The following KLHL4 variants were observed in gnomAD, a reference collection of about 807,000 sequenced individuals.
KLHL4 encodes the protein kelch like family member 4.
A neutral mutation model predicts 45.8 loss-of-function variants in KLHL4; 17 were observed. The observed-to-expected ratio is 0.37, with a 90% CI of 0.25 to 0.56. The LOEUF is 0.56. KLHL4 is among the 20% of genes least tolerant of loss of function. The probability of loss-of-function intolerance (pLI) is 0.79; values close to 1 mark genes in which losing one functional copy is unlikely to be tolerated. For missense variants in KLHL4, 544 were observed against 544.9 expected (o/e 1.00, Z 0.02); for synonymous variants, 224 against 189.9 (o/e 1.18, Z -1.47).
chrX:87,659,113 C>CTTTT (rs1178733729), intron 9 of KLHL4, among the ~76,000 whole-genome samples: 524 of 45,001 alleles, frequency 0.012, no homozygotes, highest in East Asian at 0.028. Flanking sequence ...TCTTTTCTTT[C>CTTTT]TTTTTTTTTT....
intron 1 of KLHL4, among the ~76,000 whole-genome samples, chrX:87,525,106 T>C (rs1156939652): frequency 8.9e-6 from 1 of 112,043 alleles, no homozygotes; most frequent in Non-Finnish European, 1.9e-5. Context: ...GCTAAAGTTC[T>C]GATAACATCT....
chrX:87,578,586 A>G (rs1448426041), intron 1 of KLHL4, among the ~76,000 whole-genome samples: 1 of 112,564 alleles, frequency 8.9e-6, no homozygotes, highest in Non-Finnish European at 1.9e-5. Flanking sequence ...ACTGAAAACA[A>G]CTGCATTGAA....
intron 1 of KLHL4, among the ~76,000 whole-genome samples, chrX:87,553,570 T>A (rs1249767934): frequency 9.0e-6 from 1 of 110,572 alleles, no homozygotes; most frequent in Non-Finnish European, 1.9e-5. Context: ...TTAATTCTAA[T>A]ATCACTTTCT....
chrX:87,610,666 A>G (rs2147811519), intron 1 of KLHL4, among the ~76,000 whole-genome samples: 1 of 112,161 alleles, frequency 8.9e-6, no homozygotes, highest in Non-Finnish European at 1.9e-5. Flanking sequence ...AGTTTCTTAA[A>G]CATTCCATTC....
intron 1 of KLHL4, among the ~76,000 whole-genome samples, chrX:87,544,382 A>C (rs1320662290): frequency 8.9e-6 from 1 of 111,794 alleles, no homozygotes; most frequent in African/African-American, 3.3e-5. Context: ...GGACCCACCT[A>C]GGGCCTGGGG....
At chrX:87,538,302 T>A (rs1931476718) in intron 1 of KLHL4, among the ~76,000 whole-genome samples, 1 of 111,321 alleles carries the variant, frequency 9.0e-6, no homozygotes, top group Non-Finnish European at 1.9e-5. Flanking sequence ...GACTATGTCA[T>A]AACGTCAGGG....
intron 1 of KLHL4, among the ~76,000 whole-genome samples, chrX:87,561,329 C>T (rs781212235): frequency 5.1e-4 from 56 of 110,817 alleles, no homozygotes; most frequent in African/African-American, 9.5e-4. Flanking sequence ...CCATTGCCCA[C>T]GGTGCCACAT....
At chrX:87,596,807 G>A (rs1426556603) in intron 1 of KLHL4, among the ~76,000 whole-genome samples, 3 of 112,156 alleles carry the variant, frequency 2.7e-5, no homozygotes, top group Non-Finnish European at 5.6e-5. Flanking sequence ...ACAGTCTCTT[G>A]GGCAACCATC....
At chrX:87,552,701 A>ATC (rs1569339877) in intron 1 of KLHL4, among the ~76,000 whole-genome samples, 11 of 93,416 alleles carry the variant, frequency 1.2e-4, no homozygotes, top group African/African-American at 4.4e-4. Flanking sequence ...AATTATATAT[A>ATC]TATATATATA....
At chrX:87,649,185 C>T in intron 9 of KLHL4, among the ~76,000 whole-genome samples, 1 of 111,788 alleles carries the variant, frequency 8.9e-6, no homozygotes, top group Non-Finnish European at 1.9e-5. Flanking sequence ...AATAACTGTA[C>T]ATTTTTACCT....
intron 9 of KLHL4, among the ~76,000 whole-genome samples, chrX:87,644,666 C>T (rs922723690): frequency 1.8e-5 from 2 of 111,745 alleles, no homozygotes; most frequent in African/African-American, 6.5e-5. Flanking sequence ...TCTATAAAGC[C>T]ATAGTCACCA....
chrX:87,532,449 A>T (rs1433335504), intron 1 of KLHL4, among the ~76,000 whole-genome samples: 1 of 109,201 alleles, frequency 9.2e-6, no homozygotes, highest in Non-Finnish European at 1.9e-5. Flanking sequence ...ACTTTAAGGT[A>T]GTTTTTTCCA....
At chrX:87,636,751 A>C (rs773129990) in intron 9 of KLHL4, among the ~76,000 whole-genome samples, 1 of 109,934 alleles carries the variant, frequency 9.1e-6, no homozygotes, top group East Asian at 2.9e-4. Flanking sequence ...AGAGCTAGCC[A>C]TAATCCCCCT....
At chrX:87,568,391 C>CTTTTTCTTTTCTT (rs1932265507) in intron 1 of KLHL4, among the ~76,000 whole-genome samples, 5 of 57,506 alleles carry the variant, frequency 8.7e-5, no homozygotes, top group South Asian at 1.0e-3. Flanking sequence ...TTCTTTTTTT[C>CTTTTTCTTTTCTT]TTTTTTTTTT....
intron 1 of KLHL4, among the ~76,000 whole-genome samples, chrX:87,557,465 C>A (rs1200332862): frequency 9.0e-6 from 1 of 111,561 alleles, no homozygotes; most frequent in Admixed American, 9.6e-5. Context: ...TCAATCTGCT[C>A]AAAATACCAG....
intron 1 of KLHL4, among the ~76,000 whole-genome samples, chrX:87,547,383 A>G (rs1035894197): frequency 1.5e-4 from 17 of 111,184 alleles, no homozygotes; most frequent in Non-Finnish European, 3.0e-4. Context: ...TTCACCATGA[A>G]TGTAGGTTTT....
intron 1 of KLHL4, among the ~76,000 whole-genome samples, chrX:87,536,981 G>A (rs764802036): frequency 9.0e-6 from 1 of 110,959 alleles, no homozygotes; most frequent in Non-Finnish European, 1.9e-5. Context: ...TTTTCATATT[G>A]TATCACAAAC....
chrX:87,663,916 A>C (rs1350742994), intron 9 of KLHL4, among the ~76,000 whole-genome samples: 1 of 112,102 alleles, frequency 8.9e-6, no homozygotes, highest in Non-Finnish European at 1.9e-5. Context: ...ATCAGTGGAA[A>C]GTGATAAATG....
chrX:87,609,357 C>T (rs1189646826), intron 1 of KLHL4, among the ~76,000 whole-genome samples: 1 of 112,011 alleles, frequency 8.9e-6, no homozygotes, highest in African/African-American at 3.2e-5. Context: ...AATGGTTGAA[C>T]TAGTTTACAG....
Sources: gnomAD v4.1 joint callset for allele counts (sites outside exome capture counted in the v4.1 genomes callset) on GRCh38, gnomAD v4.1.1 for gene constraint, MANE v1.5 for transcripts, NCBI Gene and HGNC (gene_info 2026-07-23, HGNC 2026-07-21) for gene names.